TNFRSF21: variants seen among roughly 807,000 people sequenced by gnomAD.
TNFRSF21 encodes TNF receptor superfamily member 21.
A neutral mutation model predicts 45.6 loss-of-function variants in TNFRSF21; 19 were observed. The observed-to-expected ratio is 0.42, with a 90% CI of 0.29 to 0.61. The LOEUF is 0.61. Ranked by LOEUF, TNFRSF21 falls within the 20% of genes least tolerant of loss-of-function variation. The probability of loss-of-function intolerance (pLI) is 0.23; values close to 1 mark genes in which losing one functional copy is unlikely to be tolerated. For missense variants in TNFRSF21, 737 were observed against 851.5 expected (o/e 0.87, Z 1.67); for synonymous variants, 314 against 335.5 (o/e 0.94, Z 0.70).
At position 47,232,631 on chromosome 6, in the gene TNFRSF21, AC is replaced by A; in HGVS notation, c.*133del. On this transcript the variant is annotated 3_prime_UTR_variant, in exon 6 of 6. Coordinates refer to ENST00000296861, the MANE Select transcript of TNFRSF21 (RefSeq NM_014452.5). Reference sequence around the variant, plus strand: ...TGGCCATATTCTCTGTTAAACACACACACACACACACACACACACACACACA... The same window carrying A: ...TGGCCATATTCTCTGTTAAACACACAACACACACACACACACACACACACA... 3.0e-6 allele frequency: 2 copies of A among 664,348 alleles called. No individual in the cohort carries two copies. The highest frequency in any genetic ancestry group is 5.1e-6 in the Non-Finnish European group (2 of 394,244). 41.2% of individuals were successfully genotyped at this position (664,348 alleles called of 1,614,324 possible).
chr6:47,281,792 C>T (rs1762571086), intron 3 of TNFRSF21, among the ~76,000 whole-genome samples: 1 of 150,604 alleles, frequency 6.6e-6, no homozygotes, highest in South Asian at 2.1e-4. Context: ...ACTGTTGCTG[C>T]AACTTTTCAA....
At chr6:47,306,449 G>A (rs992323734) in intron 1 of TNFRSF21, among the ~76,000 whole-genome samples, 1 of 152,180 alleles carries the variant, frequency 6.6e-6, no homozygotes, top group Non-Finnish European at 1.5e-5. Flanking sequence ...GCAATATCAC[G>A]TGCAAGCTGT....
At chr6:47,290,019 G>A (rs756008675) in intron 1 of TNFRSF21, among the ~76,000 whole-genome samples, 1 of 151,908 alleles carries the variant, frequency 6.6e-6, no homozygotes, top group Non-Finnish European at 1.5e-5. Flanking sequence ...AAACAAAAGA[G>A]TATCAACGAC....
chr6:47,261,165 A>G (rs1433945337), intron 3 of TNFRSF21, among the ~76,000 whole-genome samples: 1 of 152,200 alleles, frequency 6.6e-6, no homozygotes, highest in Non-Finnish European at 1.5e-5. Context: ...CAAGCTGCAG[A>G]TACAGGGACA....
At chr6:47,269,557 C>A (rs1762382995) in intron 3 of TNFRSF21, among the ~76,000 whole-genome samples, 1 of 152,184 alleles carries the variant, frequency 6.6e-6, no homozygotes, top group African/African-American at 2.4e-5. Context: ...ATGTTTACTT[C>A]ATATAATGTA....
chr6:47,269,649 C>T (rs1048331260), intron 3 of TNFRSF21, among the ~76,000 whole-genome samples: 4 of 152,194 alleles, frequency 2.6e-5, no homozygotes, highest in African/African-American at 9.7e-5. Context: ...AATAATGCAA[C>T]ATATGGATAA....
At chr6:47,309,378 C>T in intron 1 of TNFRSF21, 38 bp downstream of exon 1, 12 of 1,514,224 alleles carry the variant, frequency 7.9e-6, no homozygotes, top group Non-Finnish European at 1.1e-5. Context: ...CCTTCTGCTC[C>T]GGCGCCGCCG....
chr6:47,253,214 C>T (rs763924923), intron 4 of TNFRSF21, 42 bp downstream of exon 4: 2 of 1,595,924 alleles, frequency 1.3e-6, no homozygotes, highest in Non-Finnish European at 1.7e-6. Flanking sequence ...AGCATAGGGG[C>T]AATAGGTCGG....
intron 4 of TNFRSF21, among the ~76,000 whole-genome samples, chr6:47,241,596 A>G (rs992396143): frequency 2.0e-5 from 3 of 152,212 alleles, no homozygotes; most frequent in Admixed American, 2.0e-4. Context: ...CGAAATGGGA[A>G]TATGGACTGG....
In TNFRSF21 at chr6:47,293,222, C is replaced by T. The variant is rs550074452; in HGVS notation, c.97-6627G>A. On this transcript the variant is annotated intron_variant, in intron 1 of 5. Coordinates refer to ENST00000296861, the MANE Select transcript of TNFRSF21 (RefSeq NM_014452.5). ...CTTCCCATAATGATTATAAGCAGCT[C>T]AAGGCCAGGGACGACCACATAGATT... 2.2e-4 allele frequency among the ~76,000 whole-genome samples: 34 copies of T among 152,276 alleles called. 1 individual carries two copies. In the South Asian group the frequency reaches 6.6e-3, roughly 30 times the overall value.
chr6:47,277,138 C>T (rs1016529172), intron 3 of TNFRSF21, among the ~76,000 whole-genome samples: 3 of 152,258 alleles, frequency 2.0e-5, no homozygotes, highest in Non-Finnish European at 2.9e-5. Context: ...GGATTACAGG[C>T]GCCCGCCACC....
intron 4 of TNFRSF21, among the ~76,000 whole-genome samples, chr6:47,250,278 A>T (rs1764882537): frequency 6.6e-6 from 1 of 152,214 alleles, no homozygotes; most frequent in Non-Finnish European, 1.5e-5. Context: ...GTAAAATTGC[A>T]ATAACTTACA....
At chr6:47,267,906 A>G (rs867987358) in intron 3 of TNFRSF21, among the ~76,000 whole-genome samples, 1 of 152,188 alleles carries the variant, frequency 6.6e-6, no homozygotes, top group Admixed American at 6.5e-5. Flanking sequence ...TTGAATATAA[A>G]TATCTTGAAT....
chr6:47,247,801 C>G (rs1229719435), intron 4 of TNFRSF21, among the ~76,000 whole-genome samples: 1 of 152,144 alleles, frequency 6.6e-6, no homozygotes, highest in African/African-American at 2.4e-5. Context: ...ATGCTCTGTT[C>G]CTGAGACATA....
chr6:47,238,729 C>A (rs1764700875), intron 4 of TNFRSF21, among the ~76,000 whole-genome samples: 1 of 152,172 alleles, frequency 6.6e-6, no homozygotes, highest in Non-Finnish European at 1.5e-5. Context: ...AGCACCTCTA[C>A]CACTGAGTAC....
At chr6:47,248,416 C>A (rs1006258376) in intron 4 of TNFRSF21, among the ~76,000 whole-genome samples, 4 of 152,082 alleles carry the variant, frequency 2.6e-5, no homozygotes, top group African/African-American at 9.7e-5. Context: ...CCCACCCTAG[C>A]CAAGGCGCAG....
At chr6:47,235,852 AGTGGG>A (rs2113842256) in intron 4 of TNFRSF21, among the ~76,000 whole-genome samples, 1 of 152,330 alleles carries the variant, frequency 6.6e-6, no homozygotes, top group Non-Finnish European at 1.5e-5. Context: ...TGCATTCTGG[AGTGGG>A]GAGGTCAGAG....
At chr6:47,283,431 G>A (rs569006058) in intron 3 of TNFRSF21, among the ~76,000 whole-genome samples, 52 of 152,292 alleles carry the variant, frequency 3.4e-4, no homozygotes, top group Middle Eastern at 3.4e-3. Context: ...TATATGTGAC[G>A]AAATTGTTAG....
chr6:47,262,148 A>G (rs1765081625), intron 3 of TNFRSF21, among the ~76,000 whole-genome samples: 1 of 152,218 alleles, frequency 6.6e-6, no homozygotes, highest in African/African-American at 2.4e-5. Context: ...AGAGAAAGAA[A>G]AAAAACAAAA....
Sources: gnomAD v4.1 joint callset for allele counts (sites outside exome capture counted in the v4.1 genomes callset) on GRCh38, gnomAD v4.1.1 for gene constraint, MANE v1.5 for transcripts, NCBI Gene and HGNC (gene_info 2026-07-23, HGNC 2026-07-21) for gene names.